Variants in SLC13A1 observed in about 807,000 individuals in gnomAD.
SLC13A1 encodes the protein Na(+)/sulfate cotransporter.
In SLC13A1, 65 loss-of-function variants were observed where a neutral mutation model predicts 70.0. The observed-to-expected ratio is 0.93, with a 90% CI of 0.76 to 1.14. SLC13A1 has a LOEUF of 1.14. Ranked by LOEUF, SLC13A1 falls within the 50% of genes most tolerant of loss-of-function variation. The pLI, the probability that SLC13A1 is intolerant of heterozygous loss-of-function variation, is 0.00. For missense variants in SLC13A1, 726 were observed against 717.8 expected (o/e 1.01, Z -0.13); for synonymous variants, 275 against 250.5 (o/e 1.10, Z -0.92).
At chr7:123,157,144 A>T (rs1489975643) in intron 6 of SLC13A1, among the ~76,000 whole-genome samples, 1 of 152,096 alleles carries the variant, frequency 6.6e-6, no homozygotes, top group East Asian at 1.9e-4. Context: ...TATTGAATGA[A>T]AGTACTAGAT....
chr7:123,184,298 C>T (rs1221176664), intron 1 of SLC13A1, among the ~76,000 whole-genome samples: 2 of 152,080 alleles, frequency 1.3e-5, no homozygotes, highest in Non-Finnish European at 2.9e-5. Context: ...TTTATATCCA[C>T]TCTTTTTAGC....
At chr7:123,129,967 C>A (rs2470979) in intron 8 of SLC13A1, among the ~76,000 whole-genome samples, 4,458 of 152,204 alleles carry the variant, frequency 0.029, 211 homozygotes, top group African/African-American at 0.1. Context: ...TTTCCTTTGG[C>A]CTGCTATCTC....
At chr7:123,137,739 T>G (rs1794000446) in intron 7 of SLC13A1, among the ~76,000 whole-genome samples, 3 of 152,140 alleles carry the variant, frequency 2.0e-5, no homozygotes, top group Admixed American at 6.6e-5. Context: ...CCAGCTAACC[T>G]TTGCCTGGAG....
intron 7 of SLC13A1, 146 bp from the exon 8 acceptor site, chr7:123,134,675 C>T (rs2470984): frequency 1.7e-6 from 1 of 586,454 alleles, no homozygotes; most frequent in East Asian, 3.1e-5. Flanking sequence ...AAATAGAGTA[C>T]TTTTACCCCT....
At position 123,199,697 on chromosome 7, in the gene SLC13A1, C is replaced by A. The variant is rs11489655; in HGVS notation, c.99+151G>T. 3.3e-3 allele frequency: 1,918 copies of A among 587,050 alleles called. 31 individuals carry two copies. Among genetic ancestry groups the A allele is most frequent in the African/African-American group, 0.031 (1,664 of 53,476 alleles). The allele number at this position is 587,050 out of a possible 1,614,324, so 36.4% of individuals were successfully genotyped here. A position where few individuals can be genotyped will look rare whatever the true frequency, so the allele number is the denominator to read the frequency against. ...TAATTATTAAAAAGGGAGAAAATGG[C>A]CAAAACATCATGTACAACCATCCTG... On this transcript the variant is annotated intron_variant, in intron 1 of 14. Transcript: ENST00000194130.
intron 7 of SLC13A1, among the ~76,000 whole-genome samples, 174 bp from the exon 8 acceptor site, chr7:123,134,703 C>G (rs1793892451): frequency 1.3e-5 from 2 of 152,150 alleles, no homozygotes; most frequent in South Asian, 4.1e-4. Flanking sequence ...TGTCTTGATT[C>G]TGGAACTGCA....
intron 6 of SLC13A1, among the ~76,000 whole-genome samples, chr7:123,148,016 C>G (rs139617656): frequency 2.0e-5 from 3 of 152,224 alleles, no homozygotes; most frequent in Middle Eastern, 3.4e-3. Context: ...GGATATTACT[C>G]CTGAAGTGGA....
chr7:123,158,303 C>T (rs761077540), intron 6 of SLC13A1, among the ~76,000 whole-genome samples: 1 of 151,716 alleles, frequency 6.6e-6, no homozygotes, highest in Non-Finnish European at 1.5e-5. Context: ...AAGTTACAGG[C>T]AAATCTTAAG....
intron 7 of SLC13A1, among the ~76,000 whole-genome samples, chr7:123,142,876 C>T (rs1281745092): frequency 6.6e-6 from 1 of 151,996 alleles, no homozygotes; most frequent in Non-Finnish European, 1.5e-5. Context: ...CTCGGCCTCC[C>T]AAAGTGCTGG....
At chr7:123,134,632 C>T in intron 7 of SLC13A1, 103 bp from the exon 8 acceptor site, 1 of 1,138,614 alleles carries the variant, frequency 8.8e-7, no homozygotes, top group Non-Finnish European at 1.2e-6. Context: ...GTGTTTCTGT[C>T]CAAGAAGGAA....
intron 12 of SLC13A1, among the ~76,000 whole-genome samples, chr7:123,119,630 T>G (rs992482358): frequency 3.3e-5 from 5 of 152,028 alleles, no homozygotes; most frequent in African/African-American, 1.2e-4. Context: ...CAACCCTTAT[T>G]AGCCACTTAT....
chr7:123,169,091 T>A, intron 4 of SLC13A1, 57 bp downstream of exon 4: 1 of 1,503,550 alleles, frequency 6.7e-7, no homozygotes, highest in African/African-American at 1.4e-5. Flanking sequence ...AATTCTTGAG[T>A]TTATGTCTAT....
At chr7:123,137,869 G>C (rs1794004952) in intron 7 of SLC13A1, among the ~76,000 whole-genome samples, 2 of 152,122 alleles carry the variant, frequency 1.3e-5, no homozygotes, top group Admixed American at 6.6e-5. Flanking sequence ...TCAGATCATA[G>C]AAATGGGGTT....
chr7:123,184,498 A>G (rs1795737249), intron 1 of SLC13A1, among the ~76,000 whole-genome samples: 1 of 152,108 alleles, frequency 6.6e-6, no homozygotes, highest in African/African-American at 2.4e-5. Context: ...CATGACTGAC[A>G]TCACATGCTA....
intron 1 of SLC13A1, among the ~76,000 whole-genome samples, chr7:123,189,631 A>G (rs1795934012): frequency 6.6e-6 from 1 of 152,136 alleles, no homozygotes. Context: ...ATATAGCTTT[A>G]AGTATTTCTA....
chr7:123,190,305 A>T (rs921437248), intron 1 of SLC13A1, among the ~76,000 whole-genome samples: 9 of 152,138 alleles, frequency 5.9e-5, no homozygotes, highest in Non-Finnish European at 1.5e-5. Context: ...TCACTTAGCA[A>T]TGTGATGCAG....
chr7:123,186,311 C>T (rs1447316022), intron 1 of SLC13A1, among the ~76,000 whole-genome samples: 1 of 151,924 alleles, frequency 6.6e-6, no homozygotes, highest in Non-Finnish European at 1.5e-5. Flanking sequence ...ACAAGTTCTT[C>T]TGATGAAGAA....
intron 2 of SLC13A1, among the ~76,000 whole-genome samples, chr7:123,177,990 C>T (rs935305061): frequency 6.6e-6 from 1 of 150,806 alleles, no homozygotes; most frequent in African/African-American, 2.4e-5. Context: ...TGAGTAAATA[C>T]ATAACATAAC....
chr7:123,135,061 T>C (rs1378358277), intron 7 of SLC13A1, among the ~76,000 whole-genome samples: 2 of 152,188 alleles, frequency 1.3e-5, no homozygotes, highest in African/African-American at 4.8e-5. Flanking sequence ...TTCTGTTTCT[T>C]CTACCCCAAA....
Sources: allele counts gnomAD v4.1 joint callset (sites outside exome capture counted in the v4.1 genomes callset), GRCh38; gene constraint gnomAD v4.1.1; transcripts MANE v1.5; gene names NCBI Gene and HGNC (gene_info 2026-07-23, HGNC 2026-07-21).